Variants in YEATS2 observed in about 807,000 individuals in gnomAD.
The protein encoded by YEATS2 is YEATS domain-containing protein 2.
A neutral mutation model predicts 163.2 loss-of-function variants in YEATS2; 77 were observed. The observed-to-expected ratio is 0.47, with a 90% confidence interval of 0.39 to 0.57. YEATS2 has a LOEUF of 0.57. Ranked by LOEUF, YEATS2 falls within the 20% of genes least tolerant of loss-of-function variation. The pLI is 0.00. For synonymous variants in YEATS2, 631 were observed against 645.1 expected (o/e 0.98, Z 0.33); for missense variants, 1,549 against 1,729.8 (o/e 0.90, Z 1.85).
chr3:183,803,502 T>C lies in YEATS2; in HGVS notation c.3582+167T>C. ...CCTGTATCCAGCTGACTTTCAGGCGTGCCTTCTTTTCCTGCACTGGCAGAA... is the reference window on the plus strand; with the variant it reads ...CCTGTATCCAGCTGACTTTCAGGCGCGCCTTCTTTTCCTGCACTGGCAGAA... On this transcript the variant is annotated intron_variant, in intron 26 of 30. Transcript: ENST00000305135. 4 of 684,210 alleles carry C rather than the reference T, an allele frequency of 5.8e-6. No homozygotes were observed. In the Admixed American group the frequency reaches 1.2e-4, roughly 20 times the overall value. The allele number at this position is 684,210 out of a possible 1,614,324, so 42.4% of individuals were successfully genotyped here.
At chr3:183,700,052 T>C (rs1352872511) in intron 1 of YEATS2, among the ~76,000 whole-genome samples, 1 of 152,052 alleles carries the variant, frequency 6.6e-6, no homozygotes, top group African/African-American at 2.4e-5. Context: ...ATTACTAGTA[T>C]GTTTGAACAT....
chr3:183,792,059 ATTT>A (rs1480047741), intron 21 of YEATS2, among the ~76,000 whole-genome samples: 2 of 152,190 alleles, frequency 1.3e-5, no homozygotes, highest in Non-Finnish European at 2.9e-5. Flanking sequence ...ATGTGTGATC[ATTT>A]TTGTTGTTAG....
chr3:183,747,697 A>G lies in YEATS2; in HGVS notation c.950A>G (p.Gln317Arg). ...LKLDRTYTGL[Q>R]TLGAETVVDV... is the part of the protein sequence containing the mutation. ...CTGGATAGAACTTATACTGGCTTGC[A>G]GACTCTTGGAGCAGAGACGGTAGGT... Residue 317 changes from glutamine to arginine, a missense_variant, in exon 9 of 31, where the codon CAG becomes CGG. By Grantham distance (43) the Gln-to-Arg change is conservative (BLOSUM62 1). Coordinates refer to ENST00000305135, the MANE Select transcript of YEATS2 (RefSeq NM_018023.5). The G allele has an allele frequency of 6.2e-7, 1 of 1,613,162 alleles. No individual in the cohort carries two copies. Among genetic ancestry groups the G allele is most frequent in the South Asian group, 1.1e-5 (1 of 91,054 alleles).
intron 21 of YEATS2, among the ~76,000 whole-genome samples, chr3:183,793,693 A>G (rs1577206637): frequency 7.2e-6 from 1 of 137,990 alleles, no homozygotes; most frequent in Non-Finnish European, 1.5e-5. Context: ...GCTCACTGCG[A>G]CCTCTGCCTC....
rs143779637 is a variant in YEATS2 at position 183,742,705 on chromosome 3, C to T, written c.925-4967C>T. On this transcript the variant is annotated intron_variant, in intron 8 of 30. Transcript: ENST00000305135. ...ATAAACTTACTTAATAAAGCAGCTACAGGGTTTGAGAAGATTGACTCCAAT... is the reference window on the plus strand; with the variant it reads ...ATAAACTTACTTAATAAAGCAGCTATAGGGTTTGAGAAGATTGACTCCAAT... 9.5e-4 allele frequency among the ~76,000 whole-genome samples: 144 copies of T among 152,312 alleles called. 2 individuals carry two copies. In the East Asian group the frequency reaches 0.021, roughly 23 times the overall value.
chr3:183,751,003 G>A (rs166397), intron 9 of YEATS2, among the ~76,000 whole-genome samples: 54,267 of 151,978 alleles, frequency 0.36, 11,124 homozygotes, highest in Middle Eastern at 0.52. Flanking sequence ...TTTTGGTGTC[G>A]TGTCCAAGAA....
At chr3:183,800,621 C>G (rs960880559) in intron 24 of YEATS2, 53 bp downstream of exon 24, 2 of 1,394,568 alleles carry the variant, frequency 1.4e-6, no homozygotes, top group Non-Finnish European at 2.0e-6. Flanking sequence ...TTTGTCACGC[C>G]TGTGACAGCT....
At chr3:183,770,486 T>C (rs908881617) in intron 15 of YEATS2, among the ~76,000 whole-genome samples, 3 of 152,248 alleles carry the variant, frequency 2.0e-5, no homozygotes, top group African/African-American at 7.2e-5. Flanking sequence ...AGAAATACTC[T>C]AAAATTCCAG....
chr3:183,726,480 C>T (rs1034396729), intron 6 of YEATS2, among the ~76,000 whole-genome samples: 5 of 152,016 alleles, frequency 3.3e-5, no homozygotes, highest in Non-Finnish European at 5.9e-5. Flanking sequence ...TGCCAAGTGT[C>T]TAGGGGTAGA....
chr3:183,804,118 G>A lies in YEATS2; in HGVS notation c.3714G>A (p.Pro1238=), dbSNP rs201802472. 7.1e-4 allele frequency: 1,153 copies of A among 1,614,088 alleles called. 11 individuals are homozygous for A. The South Asian group carries it at 0.011, about 15-fold the overall frequency. The change falls in exon 27 of 31, where the codon CCG becomes CCA. Residue 1238 remains proline (P), a synonymous_variant. Coordinates refer to ENST00000305135, the MANE Select transcript of YEATS2 (RefSeq NM_018023.5). ...HWCRCHGYTP[P]DPESLRNDGD... ...GCCGCTGTCATGGCTACACCCCACC[G>A]GACCCTGAGAGCCTGAGGAATGACG...
chr3:183,715,421 T>C (rs1715742428), intron 2 of YEATS2, among the ~76,000 whole-genome samples, 159 bp downstream of exon 2: 1 of 152,134 alleles, frequency 6.6e-6, no homozygotes, highest in South Asian at 2.1e-4. Context: ...TAATACACCA[T>C]GTGTGCTGTA....
intron 22 of YEATS2, among the ~76,000 whole-genome samples, chr3:183,798,391 T>G (rs1341829381): frequency 3.9e-5 from 6 of 152,232 alleles, no homozygotes. Context: ...TTTTGCTCTG[T>G]CACCAGAGCT....
intron 14 of YEATS2, 49 bp from the exon 15 acceptor site, chr3:183,762,048 A>C (rs754925555): frequency 6.2e-7 from 1 of 1,612,076 alleles, no homozygotes; most frequent in South Asian, 1.1e-5. Flanking sequence ...AGCTTTATAA[A>C]ATGGGATGTT....
intron 15 of YEATS2, among the ~76,000 whole-genome samples, chr3:183,771,030 A>G (rs1049294593): frequency 1.3e-5 from 2 of 152,190 alleles, no homozygotes; most frequent in Non-Finnish European, 2.9e-5. Flanking sequence ...ATGTTTCTCT[A>G]GGATATATTC....
chr3:183,736,883 A>C (rs1463650823), intron 8 of YEATS2, 54 bp downstream of exon 8: 2 of 1,499,366 alleles, frequency 1.3e-6, no homozygotes, highest in East Asian at 4.6e-5. Context: ...TACCAGCTAC[A>C]ATTGATCCTT....
intron 19 of YEATS2, among the ~76,000 whole-genome samples, chr3:183,779,986 G>A (rs78545471): frequency 0.023 from 3,437 of 148,846 alleles, 107 homozygotes; most frequent in East Asian, 0.12. Context: ...GTGAGCCACC[G>A]CACCTGGCCT....
chr3:183,713,837 G>T (rs972046314), intron 1 of YEATS2, among the ~76,000 whole-genome samples: 7 of 152,160 alleles, frequency 4.6e-5, no homozygotes, highest in African/African-American at 1.7e-4. Flanking sequence ...ACGGAGTATT[G>T]CTCTGTCGCC....
At chr3:183,703,500 A>G (rs1577022773) in intron 1 of YEATS2, among the ~76,000 whole-genome samples, 1 of 152,196 alleles carries the variant, frequency 6.6e-6, no homozygotes, top group African/African-American at 2.4e-5. Context: ...CCAACCTAAT[A>G]GATAACTTCT....
At chr3:183,752,305 A>G (rs1168863779) in intron 10 of YEATS2, 52 bp downstream of exon 10, 4 of 1,604,938 alleles carry the variant, frequency 2.5e-6, no homozygotes, top group Non-Finnish European at 3.4e-6. Context: ...TTCCTTTCCC[A>G]TTTGCTGCTT....
Sources: allele counts gnomAD v4.1 joint callset (sites outside exome capture counted in the v4.1 genomes callset), GRCh38; gene constraint gnomAD v4.1.1; transcripts MANE v1.5; gene names NCBI Gene and HGNC (gene_info 2026-07-23, HGNC 2026-07-21).